CNTN5: variants seen among roughly 807,000 people sequenced by gnomAD.
The protein encoded by CNTN5 is contactin-5.
A neutral mutation model predicts 129.1 loss-of-function variants in CNTN5; 77 were observed. That is an observed-to-expected ratio of 0.60 (90% CI 0.50 to 0.72). The LOEUF (loss-of-function observed/expected upper bound fraction) is 0.72. CNTN5 is among the 30% of genes least tolerant of loss of function. CNTN5 has a pLI of 0.00. For synonymous variants in CNTN5, 509 were observed against 465.6 expected, an observed-to-expected ratio of 1.09 and a Z score of -1.20; for missense variants, 1,478 against 1,328.8, an observed-to-expected ratio of 1.11 and a Z score of -1.75.
intron 13 of CNTN5, among the ~76,000 whole-genome samples, chr11:100,076,643 T>A (rs562584927): frequency 6.6e-5 from 10 of 151,976 alleles, no homozygotes; most frequent in Non-Finnish European, 1.2e-4. Flanking sequence ...CCAGTCAAAG[T>A]GTTGTTTAGG....
At chr11:99,189,286 T>A (rs1044252704) in intron 1 of CNTN5, among the ~76,000 whole-genome samples, 4 of 151,700 alleles carry the variant, frequency 2.6e-5, no homozygotes, top group African/African-American at 9.7e-5. Context: ...CTGTGTTTAT[T>A]TATCGTTTGA....
chr11:99,616,744 G>A (rs1176034733), intron 3 of CNTN5, among the ~76,000 whole-genome samples: 1 of 152,190 alleles, frequency 6.6e-6, no homozygotes, highest in East Asian at 1.9e-4. Context: ...GACTACATGG[G>A]AGGTAAAGAA....
chr11:99,855,156 A>G (rs1478492817), intron 6 of CNTN5, among the ~76,000 whole-genome samples: 1 of 152,056 alleles, frequency 6.6e-6, no homozygotes, highest in Non-Finnish European at 1.5e-5. Context: ...CAAAAGTACA[A>G]AAATCAGCCA....
intron 3 of CNTN5, among the ~76,000 whole-genome samples, chr11:99,668,259 CAAG>C (rs1392223943): frequency 9.9e-5 from 15 of 152,210 alleles, no homozygotes; most frequent in African/African-American, 3.6e-4. Context: ...GGTAGCTGTG[CAAG>C]AAGAATACAT....
chr11:99,032,883 G>C, intron 1 of CNTN5, among the ~76,000 whole-genome samples: 1 of 142,212 alleles, frequency 7.0e-6, no homozygotes, highest in East Asian at 2.2e-4. Flanking sequence ...TTTTCTTCTA[G>C]GGTTTTTATG....
chr11:99,366,069 C>G (rs1410976451), intron 2 of CNTN5, among the ~76,000 whole-genome samples: 2 of 152,168 alleles, frequency 1.3e-5, no homozygotes, highest in Non-Finnish European at 2.9e-5. Context: ...ATCCTCATCA[C>G]TAACAGATCT....
intron 8 of CNTN5, among the ~76,000 whole-genome samples, chr11:99,977,009 A>C (rs1287223586): frequency 1.3e-5 from 2 of 152,192 alleles, no homozygotes; most frequent in Non-Finnish European, 2.9e-5. Context: ...ATGACTGGCC[A>C]CTTTTAAAAA....
At chr11:99,680,701 A>T (rs1953511613) in intron 3 of CNTN5, among the ~76,000 whole-genome samples, 1 of 151,484 alleles carries the variant, frequency 6.6e-6, no homozygotes, top group Admixed American at 6.6e-5. Context: ...AGAGTGGTGA[A>T]TCCTTATCAG....
At chr11:100,033,266 A>C (rs1023763562) in intron 9 of CNTN5, among the ~76,000 whole-genome samples, 6 of 152,220 alleles carry the variant, frequency 3.9e-5, no homozygotes, top group African/African-American at 1.4e-4. Context: ...GGAAAACTAC[A>C]ATAAGAGGTG....
At chr11:100,128,988 G>A (rs1946289694) in intron 13 of CNTN5, among the ~76,000 whole-genome samples, 1 of 151,978 alleles carries the variant, frequency 6.6e-6, no homozygotes, top group African/African-American at 2.4e-5. Flanking sequence ...ATTAATATTT[G>A]TGTAACAATT....
intron 6 of CNTN5, among the ~76,000 whole-genome samples, chr11:99,866,621 C>T (rs1408696980): frequency 6.6e-6 from 1 of 152,160 alleles, no homozygotes; most frequent in Non-Finnish European, 1.5e-5. Context: ...CACTTAATAA[C>T]ATCTTTAGAG....
chr11:99,613,755 C>G (rs760696353), intron 3 of CNTN5, among the ~76,000 whole-genome samples: 1 of 152,018 alleles, frequency 6.6e-6, no homozygotes, highest in African/African-American at 2.4e-5. Flanking sequence ...TAGATACTTG[C>G]ATTTGTGATT....
At chr11:99,287,608 G>T (rs927909151) in intron 1 of CNTN5, among the ~76,000 whole-genome samples, 3 of 152,012 alleles carry the variant, frequency 2.0e-5, no homozygotes, top group Non-Finnish European at 4.4e-5. Context: ...ATTATAATAT[G>T]ATTCAGTTTC....
intron 3 of CNTN5, among the ~76,000 whole-genome samples, chr11:99,759,317 G>A (rs1169993020): frequency 6.6e-6 from 1 of 151,980 alleles, no homozygotes; most frequent in African/African-American, 2.4e-5. Context: ...TTACAGATTA[G>A]CCTTTTCTCA....
At chr11:100,326,328 A>G (rs1466285442) in intron 21 of CNTN5, among the ~76,000 whole-genome samples, 1 of 152,186 alleles carries the variant, frequency 6.6e-6, no homozygotes. Context: ...AAAGTGAACA[A>G]AACTCCAAAA....
chr11:99,963,792 A>G (rs1951017032), intron 8 of CNTN5, among the ~76,000 whole-genome samples: 1 of 152,196 alleles, frequency 6.6e-6, no homozygotes, highest in Non-Finnish European at 1.5e-5. Flanking sequence ...ACCCATGAGC[A>G]TGGAATGTTC....
At chr11:99,761,486 A>G (rs995551689) in intron 3 of CNTN5, among the ~76,000 whole-genome samples, 3 of 151,784 alleles carry the variant, frequency 2.0e-5, no homozygotes, top group Non-Finnish European at 4.4e-5. Flanking sequence ...TCATTGTTCA[A>G]TTCCCACCTA....
chr11:99,262,398 A>C (rs908772283), intron 1 of CNTN5, among the ~76,000 whole-genome samples: 1 of 152,130 alleles, frequency 6.6e-6, no homozygotes, highest in East Asian at 1.9e-4. Context: ...GATAGTAATC[A>C]TAATGATAGC....
intron 3 of CNTN5, among the ~76,000 whole-genome samples, chr11:99,811,471 A>T (rs1284673606): frequency 6.7e-6 from 1 of 148,282 alleles, no homozygotes; most frequent in African/African-American, 2.4e-5. Context: ...TAATATTTAT[A>T]TTTTAATATT....
Sources: gnomAD v4.1 joint callset for allele counts (sites outside exome capture counted in the v4.1 genomes callset) on GRCh38, gnomAD v4.1.1 for gene constraint, MANE v1.5 for transcripts, NCBI Gene and HGNC (gene_info 2026-07-23, HGNC 2026-07-21) for gene names.